TMEM101: variants seen among roughly 807,000 people sequenced by gnomAD.
The protein encoded by TMEM101 is putative NF-kappa-B-activating protein 130.
Under a neutral mutation model 26.0 loss-of-function variants are expected in TMEM101, and 14 were observed. The ratio of observed to expected loss-of-function variants is 0.54; its 90% CI spans 0.36 to 0.84. The LOEUF (loss-of-function observed/expected upper bound fraction) is 0.84, where lower values mean the gene tolerates loss of function less well. Among genes scored for constraint, TMEM101 ranks in the 40% least tolerant of loss-of-function variants. The probability of loss-of-function intolerance (pLI) is 0.01; values close to 1 mark genes in which losing one functional copy is unlikely to be tolerated. For synonymous variants in TMEM101, 152 were observed against 145.1 expected, an observed-to-expected ratio of 1.05 and a Z score of -0.34; for missense variants, 292 against 345.1, an observed-to-expected ratio of 0.85 and a Z score of 1.22.
upstream of TMEM101, among the ~76,000 whole-genome samples, chr17:44,018,647 C>T (rs1398829668): frequency 1.3e-5 from 2 of 152,178 alleles, no homozygotes; most frequent in Non-Finnish European, 2.9e-5. Context: ...TTGTGTACAA[C>T]ATGTCCATAA....
At chr17:44,015,117 T>C (rs1396600806), upstream of TMEM101, 6 of 858,344 alleles carry the variant, frequency 7.0e-6, no homozygotes, top group South Asian at 9.4e-5. Flanking sequence ...AGTCCAGCCT[T>C]CTCGTCTGCT....
At chr17:44,022,015 G>A (rs35558971) in intron 1 of TMEM101, among the ~76,000 whole-genome samples, 2,472 of 152,206 alleles carry the variant, frequency 0.016, 79 homozygotes, top group African/African-American at 0.057. Context: ...TGCTTGTTTA[G>A]CTTGTTCAAA....
Position 44,011,780 on chromosome 17 carries a change from T to C in TMEM101, c.*148A>G, listed in dbSNP as rs2049160393. On this transcript the variant is annotated 3_prime_UTR_variant, in exon 4 of 4. Coordinates refer to ENST00000206380, the MANE Select transcript of TMEM101 (RefSeq NM_032376.4). ...CAGAAATTTGGACAAATGAGCTGCC[T>C]CTTAACTGCAAAAAACAATTTTAAA... The C allele has an allele frequency of 4.5e-6, 4 of 883,216 alleles. No individual in the cohort carries two copies. The East Asian group carries it at 1.1e-4, about 24-fold the overall frequency. 54.7% of individuals were successfully genotyped at this position (883,216 alleles called of 1,614,324 possible).
chr17:44,011,720 A>C lies in TMEM101; in HGVS notation c.*208T>G. 1 of 593,380 alleles carries C rather than the reference A, an allele frequency of 1.7e-6. No homozygotes were observed. Among genetic ancestry groups the C allele is most frequent in the South Asian group, 2.1e-5 (1 of 47,994 alleles). 36.8% of individuals were successfully genotyped at this position (593,380 alleles called of 1,614,324 possible). A position where few individuals can be genotyped will look rare whatever the true frequency, so the allele number is the denominator to read the frequency against. The stretch of plus-strand genomic sequence containing the variant: ...ACAGGAAAAAAACCTGTACAGCATT[A>C]GTGCCAGGGCTCCTGCCCTCCCAAG... On this transcript the variant is annotated 3_prime_UTR_variant, in exon 4 of 4. Transcript: ENST00000206380.
At chr17:44,014,319 A>C (rs913234829) in intron 2 of TMEM101, 38 bp downstream of exon 2, 52 of 1,532,336 alleles carry the variant, frequency 3.4e-5, no homozygotes, top group Non-Finnish European at 4.3e-5. Flanking sequence ...ATTCCCCGTC[A>C]CCCAGAGGGA....
chr17:44,019,320 T>A (rs995018931), upstream of TMEM101: 1 of 430,074 alleles, frequency 2.3e-6, no homozygotes, highest in Non-Finnish European at 4.6e-6. Context: ...CTCACCAGAC[T>A]ATGGCGGATT....
chr17:44,015,385 CTTTT>C (rs11354004), upstream of TMEM101, among the ~76,000 whole-genome samples: 4 of 150,388 alleles, frequency 2.7e-5, no homozygotes, highest in East Asian at 2.0e-4. Flanking sequence ...CTTTTTTTTT[CTTTT>C]TTTTTTGTTT....
Position 44,013,125 on chromosome 17 carries a change from T to A in TMEM101, c.349A>T (p.Ile117Phe). The A allele has an allele frequency of 6.2e-7, 1 of 1,605,864 alleles. No homozygotes were observed. Among genetic ancestry groups the A allele is most frequent in the Non-Finnish European group, 8.5e-7 (1 of 1,174,032 alleles). Residue 117 changes from isoleucine (I) to phenylalanine (F), a missense_variant, in exon 3 of 4, where the codon ATC becomes TTC. Physicochemically the swap from Ile to Phe is conservative, Grantham distance 21. Coordinates refer to ENST00000206380, the MANE Select transcript of TMEM101 (RefSeq NM_032376.4). The part of the protein sequence containing the change: ...VRMYSRTVAI[I>F]GGFLVLASGA... ...CTGGCCAACACAAGAAAGCCGCCGA[T>A]GATGGCAACTGTGCGCGAGTACATA...
At chr17:44,022,356 TCTA>T (rs1339448670) in intron 1 of TMEM101, among the ~76,000 whole-genome samples, 3 of 152,212 alleles carry the variant, frequency 2.0e-5, no homozygotes, top group Middle Eastern at 3.2e-3. Context: ...CTTCAGTACT[TCTA>T]CTTCCAGTAC....
At chr17:44,014,978 C>T, upstream of TMEM101, 1 of 1,587,820 alleles carries the variant, frequency 6.3e-7, no homozygotes, top group Non-Finnish European at 8.6e-7. Context: ...TCCGCTGCGG[C>T]CTCACCCCAG....
At chr17:44,018,180 G>C (rs1383141130), upstream of TMEM101, among the ~76,000 whole-genome samples, 8 of 151,432 alleles carry the variant, frequency 5.3e-5, no homozygotes, top group Middle Eastern at 3.5e-3. Flanking sequence ...GAAAGACCAT[G>C]AGAAGCCAGG....
In TMEM101 at chr17:44,014,380, C is replaced by T; in HGVS notation, c.295G>A (p.Val99Ile). The T allele has an allele frequency of 1.3e-6, 2 of 1,553,786 alleles. No homozygotes were observed. The highest frequency in any genetic ancestry group is 1.7e-6 in the Non-Finnish European group (2 of 1,148,114). Residue 99 changes from valine to isoleucine, a missense_variant, in exon 2 of 4, where the codon GTC becomes ATC. This residue lies in a region of TMEM101 where 149 missense variants were observed against 211.9 expected (regional missense o/e 0.70). Transcript: ENST00000206380. ...ACCTTCAGCCAGTCCCCGTAGTGGA[C>T]GTAGCCCCCGATGTAGGCGGCGTAG... is the stretch of plus-strand genomic sequence containing the variant. ...STYAAYIGGY[V>I]HYGDWLKVRM...
chr17:44,014,598 A>T, intron 1 of TMEM101, 61 bp from the exon 2 acceptor site: 1 of 1,548,400 alleles, frequency 6.5e-7, no homozygotes. Flanking sequence ...AAGAAGCTTG[A>T]GACCCCTTGA....
upstream of TMEM101, among the ~76,000 whole-genome samples, chr17:44,016,175 CT>C (rs911558922): frequency 6.0e-5 from 9 of 150,938 alleles, no homozygotes; most frequent in African/African-American, 2.2e-4. Flanking sequence ...CATATATATG[CT>C]TTTTTTTTAT....
At chr17:44,014,280 C>T (rs1322539911) in intron 2 of TMEM101, 77 bp downstream of exon 2, 1 of 1,482,928 alleles carries the variant, frequency 6.7e-7, no homozygotes, top group African/African-American at 1.4e-5. Context: ...CATTCATCGC[C>T]CACCAACAGC....
At position 44,011,844 on chromosome 17, in the gene TMEM101, T is replaced by A; in HGVS notation, c.*84A>T. Reference sequence around the variant, plus strand: ...AAACAAACAGACCAAAAAGCATAAATAAACAGCAGCTGGGCCAGCAAGGAG... The same window carrying A: ...AAACAAACAGACCAAAAAGCATAAAAAAACAGCAGCTGGGCCAGCAAGGAG... On this transcript the variant is annotated 3_prime_UTR_variant, in exon 4 of 4. Transcript: ENST00000206380. The A allele has an allele frequency of 7.2e-7, 1 of 1,380,368 alleles. No individual in the cohort carries two copies. The highest frequency in any genetic ancestry group is 9.8e-7 in the Non-Finnish European group (1 of 1,015,380). The allele number at this position is 1,380,368 out of a possible 1,614,324, so 85.5% of individuals were successfully genotyped here. A position where few individuals can be genotyped will look rare whatever the true frequency, so the allele number is the denominator to read the frequency against.
At position 44,014,435 on chromosome 17, in the gene TMEM101, C is replaced by T. The variant is rs1484693563; in HGVS notation, c.240G>A (p.Leu80=). The change falls in exon 2 of 4, where the codon CTG becomes CTA. Residue 80 remains leucine, a synonymous_variant. Transcript: ENST00000206380. ...SFGVKRRWFA[L]GAALQLAIST... is the part of the protein sequence containing the mutation. ...TAATGGCCAATTGGAGTGCGGCCCCCAGCGCGAACCAGCGCCGCTTCACGC... is the reference window on the plus strand; with the variant it reads ...TAATGGCCAATTGGAGTGCGGCCCCTAGCGCGAACCAGCGCCGCTTCACGC... The T allele has an allele frequency of 1.3e-6, 2 of 1,557,214 alleles. No homozygotes were observed. The highest frequency in any genetic ancestry group is 3.9e-5 in the Admixed American group (2 of 51,326).
In TMEM101 at chr17:44,013,126, G is replaced by A; in HGVS notation, c.348C>T (p.Ile116=). 1 of 1,606,012 alleles carries A rather than the reference G, an allele frequency of 6.2e-7. No homozygotes were observed. Among genetic ancestry groups the A allele is most frequent in the Non-Finnish European group, 8.5e-7 (1 of 1,174,152 alleles). The change falls in exon 3 of 4, where the codon ATC becomes ATT. Residue 116 remains isoleucine (I), a synonymous_variant. Coordinates refer to ENST00000206380, the MANE Select transcript of TMEM101 (RefSeq NM_032376.4). ...TGGCCAACACAAGAAAGCCGCCGAT[G>A]ATGGCAACTGTGCGCGAGTACATAC... is the stretch of plus-strand genomic sequence containing the variant. ...KVRMYSRTVA[I]IGGFLVLASG...
At chr17:44,014,251 C>T in intron 2 of TMEM101, 106 bp downstream of exon 2, 2 of 1,351,248 alleles carry the variant, frequency 1.5e-6, no homozygotes, top group East Asian at 2.5e-5. Flanking sequence ...AGGCTTCACA[C>T]TGTGCAGCTG....
Sources: allele counts gnomAD v4.1 joint callset (sites outside exome capture counted in the v4.1 genomes callset), GRCh38; gene constraint gnomAD v4.1.1; regional missense constraint gnomAD v4.1.1; transcripts MANE v1.5; gene names NCBI Gene and HGNC (gene_info 2026-07-23, HGNC 2026-07-21).